TMTC1: variants seen among roughly 807,000 people sequenced by gnomAD.
TMTC1 encodes protein O-mannosyl-transferase TMTC1.
TMTC1 carries 73 observed loss-of-function variants against 104.8 expected under a neutral mutation model. That is an observed-to-expected ratio of 0.70 (90% CI 0.58 to 0.85). The LOEUF (loss-of-function observed/expected upper bound fraction) is 0.85. Ranked by LOEUF, TMTC1 falls within the 40% of genes least tolerant of loss-of-function variation. The pLI, the probability that TMTC1 is intolerant of heterozygous loss-of-function variation, is 0.00. For synonymous variants in TMTC1, 434 were observed against 428.7 expected (o/e 1.01, Z -0.15); for missense variants, 1,035 against 1,096.1 (o/e 0.94, Z 0.79).
chr12:29,707,540 G>T (rs1462011769), intron 5 of TMTC1, among the ~76,000 whole-genome samples: 1 of 152,082 alleles, frequency 6.6e-6, no homozygotes, highest in African/African-American at 2.4e-5. Flanking sequence ...CCTCTTTGAA[G>T]ATCTCTTCTG....
intron 5 of TMTC1, among the ~76,000 whole-genome samples, chr12:29,730,423 G>A (rs1942516432): frequency 6.6e-6 from 1 of 152,062 alleles, no homozygotes; most frequent in Non-Finnish European, 1.5e-5. Flanking sequence ...TCTGAGTTTG[G>A]GCTTTGCAAG....
chr12:29,667,124 A>C (rs1940317962), intron 5 of TMTC1, among the ~76,000 whole-genome samples: 1 of 152,218 alleles, frequency 6.6e-6, no homozygotes, highest in Admixed American at 6.5e-5. Flanking sequence ...GTCTTTTGAC[A>C]CTTAACAATA....
At chr12:29,737,940 T>A (rs1464042641) in intron 5 of TMTC1, among the ~76,000 whole-genome samples, 1 of 152,168 alleles carries the variant, frequency 6.6e-6, no homozygotes, top group Non-Finnish European at 1.5e-5. Flanking sequence ...ATGAAGCCAA[T>A]CTTGCAAGAC....
At chr12:29,705,806 A>C (rs1941724197) in intron 5 of TMTC1, among the ~76,000 whole-genome samples, 1 of 152,122 alleles carries the variant, frequency 6.6e-6, no homozygotes, top group African/African-American at 2.4e-5. Context: ...AGAGAAACAA[A>C]ATTATTTTTT....
intron 5 of TMTC1, among the ~76,000 whole-genome samples, chr12:29,741,651 A>G (rs1415643942): frequency 3.9e-5 from 6 of 152,178 alleles, no homozygotes; most frequent in Non-Finnish European, 5.9e-5. Context: ...GCTATTCTCT[A>G]AAAAAGAAAA....
At chr12:29,586,362 A>T (rs1946133744) in intron 7 of TMTC1, among the ~76,000 whole-genome samples, 1 of 152,184 alleles carries the variant, frequency 6.6e-6, no homozygotes, top group African/African-American at 2.4e-5. Context: ...TTCTAGATAT[A>T]CAATCATGTC....
intron 5 of TMTC1, among the ~76,000 whole-genome samples, chr12:29,651,309 G>A (rs909704536): frequency 2.6e-5 from 4 of 152,278 alleles, no homozygotes; most frequent in African/African-American, 9.6e-5. Flanking sequence ...CTATAGTTGG[G>A]ACTAGTTTCC....
intron 5 of TMTC1, among the ~76,000 whole-genome samples, chr12:29,667,103 GA>G (rs1458663075): frequency 1.3e-5 from 2 of 152,072 alleles, no homozygotes; most frequent in Non-Finnish European, 2.9e-5. Flanking sequence ...AACAACAAAA[GA>G]ATTTTAAGTG....
At chr12:29,739,460 T>G (rs1332154163) in intron 5 of TMTC1, among the ~76,000 whole-genome samples, 1 of 152,210 alleles carries the variant, frequency 6.6e-6, no homozygotes, top group Admixed American at 6.5e-5. Flanking sequence ...ACCTCTCCTG[T>G]GATCTCATAA....
chr12:29,617,868 A>C (rs1947028986), intron 6 of TMTC1, among the ~76,000 whole-genome samples: 1 of 152,188 alleles, frequency 6.6e-6, no homozygotes, highest in African/African-American at 2.4e-5. Flanking sequence ...AAAGGTGATG[A>C]CTATTGTTGT....
chr12:29,551,263 C>G (rs931126175), intron 10 of TMTC1, among the ~76,000 whole-genome samples: 7 of 152,174 alleles, frequency 4.6e-5, no homozygotes, highest in Non-Finnish European at 8.8e-5. Context: ...AAACTACTAT[C>G]TTGAATGTAT....
In TMTC1 at chr12:29,752,492, G is replaced by A. The variant is rs577935684; in HGVS notation, c.732-620C>T. On this transcript the variant is annotated intron_variant, in intron 4 of 17. Transcript: ENST00000539277. Reference sequence around the variant, plus strand: ...TTAACGTGCATCTATCCTTTGCCCAGCAACTACACTTCCATGGCTACGCCT... The same window carrying A: ...TTAACGTGCATCTATCCTTTGCCCAACAACTACACTTCCATGGCTACGCCT... 2.0e-4 allele frequency among the ~76,000 whole-genome samples: 31 copies of A among 152,264 alleles called. 1 individual carries two copies. In the East Asian group the frequency reaches 4.2e-3, roughly 21 times the overall value.
intron 5 of TMTC1, among the ~76,000 whole-genome samples, chr12:29,657,809 T>C (rs1447874982): frequency 3.3e-5 from 5 of 151,894 alleles, no homozygotes; most frequent in Admixed American, 1.3e-4. Flanking sequence ...CTGGCAGACA[T>C]AAAAACAAAA....
chr12:29,726,192 C>T (rs1036407309), intron 5 of TMTC1, among the ~76,000 whole-genome samples: 4 of 152,162 alleles, frequency 2.6e-5, no homozygotes, highest in African/African-American at 9.7e-5. Flanking sequence ...GCCAGAGATG[C>T]ACAGAATTAA....
At chr12:29,725,882 A>T (rs1942375002) in intron 5 of TMTC1, among the ~76,000 whole-genome samples, 1 of 152,246 alleles carries the variant, frequency 6.6e-6, no homozygotes, top group Non-Finnish European at 1.5e-5. Context: ...ATTCAAATTC[A>T]ACACTTTATT....
intron 8 of TMTC1, 127 bp from the exon 9 acceptor site, chr12:29,572,345 T>C (rs1945702458): frequency 3.7e-6 from 3 of 804,436 alleles, no homozygotes; most frequent in Non-Finnish European, 5.9e-6. Flanking sequence ...CAAGGCATTG[T>C]AGCCTACAAG....
chr12:29,636,395 AC>A (rs989460549), intron 5 of TMTC1, among the ~76,000 whole-genome samples: 1 of 152,188 alleles, frequency 6.6e-6, no homozygotes, highest in African/African-American at 2.4e-5. Context: ...TTTTGAGTTT[AC>A]GTTTTGGCCT....
intron 7 of TMTC1, among the ~76,000 whole-genome samples, chr12:29,584,672 G>C (rs546248727): frequency 6.6e-6 from 1 of 151,962 alleles, no homozygotes; most frequent in African/African-American, 2.4e-5. Flanking sequence ...TCCCAGCTAT[G>C]AGTGAGAACA....
intron 10 of TMTC1, among the ~76,000 whole-genome samples, chr12:29,545,628 G>GAC (rs1944918708): frequency 2.0e-5 from 1 of 50,156 alleles, no homozygotes; most frequent in Non-Finnish European, 4.1e-5. Flanking sequence ...GCAAGACTCT[G>GAC]TCACACACAC....
Sources: allele counts gnomAD v4.1 joint callset (sites outside exome capture counted in the v4.1 genomes callset), GRCh38; gene constraint gnomAD v4.1.1; transcripts MANE v1.5; gene names NCBI Gene and HGNC (gene_info 2026-07-23, HGNC 2026-07-21).